Variants in RPTOR observed in about 807,000 individuals in gnomAD.
The protein encoded by RPTOR is regulatory-associated protein of mTOR.
RPTOR carries 21 observed loss-of-function variants against 169.9 expected under a neutral mutation model. The ratio of observed to expected loss-of-function variants is 0.12; its 90% CI spans 0.09 to 0.18. The LOEUF is 0.18. RPTOR is among the 10% of genes least tolerant of loss of function. RPTOR has a pLI of 1.00. For synonymous variants in RPTOR, 732 were observed against 753.2 expected, an observed-to-expected ratio of 0.97 and a Z score of 0.46; for missense variants, 1,133 against 1,855.9, an observed-to-expected ratio of 0.61 and a Z score of 7.16.
chr17:80,899,165 C>T (rs1418774693), intron 20 of RPTOR, among the ~76,000 whole-genome samples: 1 of 152,178 alleles, frequency 6.6e-6, no homozygotes, highest in Admixed American at 6.5e-5. Flanking sequence ...TAAAATATGC[C>T]AAGTGCCCAG....
At position 80,936,314 on chromosome 17, in the gene RPTOR, G is replaced by A. The variant is rs371498255; in HGVS notation, c.2920-4182G>A. Among the ~76,000 whole-genome samples the A allele has an allele frequency of 1.4e-4, 21 of 152,236 alleles. No individual in the cohort carries two copies. Among genetic ancestry groups the A allele is most frequent in the East Asian group, 1.3e-3 (7 of 5,192 alleles). On this transcript the variant is annotated intron_variant, in intron 24 of 33. Transcript: ENST00000306801. This position sits in a 1 kb window ranked among gnomAD's most constrained non-coding sequence, Gnocchi z 4.1. ...TTGTCAGTTTCTTACAAAGTTAAAC[G>A]TATGCCTACCATGCAACCTAACCAT...
At chr17:80,753,925 C>T in intron 5 of RPTOR, 85 bp from the exon 6 acceptor site, 1 of 1,243,366 alleles carries the variant, frequency 8.0e-7, no homozygotes, top group South Asian at 1.3e-5. Context: ...TTATTCTTTC[C>T]TTCTGTGTTA....
At chr17:80,834,389 G>GC (rs956959781) in intron 9 of RPTOR, among the ~76,000 whole-genome samples, 6 of 152,182 alleles carry the variant, frequency 3.9e-5, no homozygotes, top group African/African-American at 1.2e-4. Flanking sequence ...TAGCCGGACG[G>GC]CCCCGAGCAG....
At chr17:80,700,728 T>C (rs2066088735) in intron 3 of RPTOR, among the ~76,000 whole-genome samples, 1 of 84,058 alleles carries the variant, frequency 1.2e-5, no homozygotes, top group Non-Finnish European at 2.6e-5. Flanking sequence ...GTGGTGGTGG[T>C]GATGATGGTG....
At position 80,957,835 on chromosome 17, in the gene RPTOR, CCAGGGGTGGAGT is replaced by C; in HGVS notation, c.3477+111_3477+122del. 9.7e-7 allele frequency: 1 copy of C among 1,033,802 alleles called. No homozygotes were observed. Among genetic ancestry groups the C allele is most frequent in the Non-Finnish European group, 1.5e-6 (1 of 677,900 alleles). 64.0% of individuals were successfully genotyped at this position (1,033,802 alleles called of 1,614,324 possible). ...AAGTGTGCGGTGAGGCCTGGCCATCCCAGGGGTGGAGTCAGGGCCTGGGAGGACAGTGCCGGG... is the reference window on the plus strand; with the variant it reads ...AAGTGTGCGGTGAGGCCTGGCCATCCCAGGGCCTGGGAGGACAGTGCCGGG... On this transcript the variant is annotated intron_variant, in intron 29 of 33. Coordinates refer to ENST00000306801, the MANE Select transcript of RPTOR (RefSeq NM_020761.3). This position sits in a 1 kb window ranked among gnomAD's most constrained non-coding sequence, Gnocchi z 4.6.
intron 1 of RPTOR, among the ~76,000 whole-genome samples, chr17:80,564,409 G>C (rs1284011787): frequency 6.6e-6 from 1 of 152,014 alleles, no homozygotes; most frequent in Non-Finnish European, 1.5e-5. Flanking sequence ...GGAATTGCTG[G>C]GAGATAGAGA....
At chr17:80,827,607 C>T (rs2067458631) in intron 9 of RPTOR, among the ~76,000 whole-genome samples, 1 of 152,186 alleles carries the variant, frequency 6.6e-6, no homozygotes, top group South Asian at 2.1e-4. Context: ...GGAGGGGCCA[C>T]ACCTGGGACA....
chr17:80,579,566 G>C (rs1470669426), intron 1 of RPTOR, among the ~76,000 whole-genome samples: 1 of 152,182 alleles, frequency 6.6e-6, no homozygotes, highest in Non-Finnish European at 1.5e-5. Flanking sequence ...AGAAGCCCAC[G>C]TCACGATGGC....
intron 21 of RPTOR, among the ~76,000 whole-genome samples, chr17:80,918,186 G>A (rs2068696890): frequency 6.6e-6 from 1 of 152,228 alleles, no homozygotes; most frequent in African/African-American, 2.4e-5. Context: ...GACTAGCATA[G>A]CTACAGAATC....
intron 6 of RPTOR, among the ~76,000 whole-genome samples, chr17:80,755,990 G>A (rs985585473): frequency 6.6e-6 from 1 of 152,242 alleles, no homozygotes; most frequent in Admixed American, 6.5e-5. Flanking sequence ...TGTAAAACAA[G>A]TGTAATACAT....
At chr17:80,927,147 C>A (rs2068820210) in intron 24 of RPTOR, among the ~76,000 whole-genome samples, 1 of 152,248 alleles carries the variant, frequency 6.6e-6, no homozygotes. Context: ...CTGAGTGAGC[C>A]AGAGCTGGGA....
Position 80,634,638 on chromosome 17 carries a change from T to C in RPTOR, c.265+8845T>C, listed in dbSNP as rs1365044767. On this transcript the variant is annotated intron_variant, in intron 2 of 33. Transcript: ENST00000306801. The stretch of plus-strand genomic sequence containing the variant: ...ACTGTGTGCGTGTGCGTACTGTGTG[T>C]GTGCATACTGTATGTGCGTACTGTG... Among the ~76,000 whole-genome samples the C allele has an allele frequency of 2.1e-4, 26 of 121,614 alleles. 4 individuals are homozygous for C. The highest frequency in any genetic ancestry group is 6.3e-4 in the African/African-American group (20 of 31,958). 79.8% of individuals were successfully genotyped at this position (121,614 alleles called of 152,430 possible). A position where few individuals can be genotyped will look rare whatever the true frequency, so the allele number is the denominator to read the frequency against.
At position 80,629,148 on chromosome 17, in the gene RPTOR, G is replaced by A. The variant is rs79901149; in HGVS notation, c.265+3355G>A. Among the ~76,000 whole-genome samples, 350 of 150,142 alleles carry A rather than the reference G, an allele frequency of 2.3e-3. 1 individual carries two copies. The highest frequency in any genetic ancestry group is 8.4e-3 in the African/African-American group (340 of 40,552). Reference sequence around the variant, plus strand: ...GTATTGTGCTGTTGGACATTGTACCGCAGCTCTTCCGTGTGTCTCTGTCTT... The same window carrying A: ...GTATTGTGCTGTTGGACATTGTACCACAGCTCTTCCGTGTGTCTCTGTCTT... On this transcript the variant is annotated intron_variant, in intron 2 of 33. Coordinates refer to ENST00000306801, the MANE Select transcript of RPTOR (RefSeq NM_020761.3).
chr17:80,811,978 C>T (rs1466418285), intron 7 of RPTOR, among the ~76,000 whole-genome samples: 1 of 152,052 alleles, frequency 6.6e-6, no homozygotes, highest in East Asian at 1.9e-4. Context: ...GACACAGCCA[C>T]AGCCTCTTTA....
At chr17:80,577,410 G>A (rs2064973870) in intron 1 of RPTOR, among the ~76,000 whole-genome samples, 1 of 152,032 alleles carries the variant, frequency 6.6e-6, no homozygotes, top group Admixed American at 6.5e-5. Flanking sequence ...GAGGACAGCT[G>A]GGACCTACAG....
chr17:80,952,110 C>G (rs1470009620), intron 28 of RPTOR, among the ~76,000 whole-genome samples: 1 of 152,208 alleles, frequency 6.6e-6, no homozygotes, highest in Non-Finnish European at 1.5e-5. Flanking sequence ...AATTATTTGT[C>G]ATCGATTGGA....
At chr17:80,557,853 G>A (rs894455618) in intron 1 of RPTOR, among the ~76,000 whole-genome samples, 11 of 152,008 alleles carry the variant, frequency 7.2e-5, no homozygotes, top group African/African-American at 1.9e-4. Context: ...TTGAACCCAG[G>A]AGGCAGAGGT....
intron 7 of RPTOR, among the ~76,000 whole-genome samples, chr17:80,797,207 A>C (rs2067110018): frequency 6.6e-6 from 1 of 152,178 alleles, no homozygotes; most frequent in Non-Finnish European, 1.5e-5. Flanking sequence ...GTCTCAGCTC[A>C]CTGTAGCCTC....
intron 5 of RPTOR, among the ~76,000 whole-genome samples, chr17:80,743,845 T>TTACTAGCACAGCCCTGGC (rs2066519167): frequency 1.6e-5 from 1 of 63,696 alleles, no homozygotes; most frequent in African/African-American, 8.2e-5. Flanking sequence ...ACAGCCCTGG[T>TTACTAGCACAGCCCTGGC]TACTAGCAGA....
Sources: allele counts gnomAD v4.1 joint callset (sites outside exome capture counted in the v4.1 genomes callset), GRCh38; gene constraint gnomAD v4.1.1; non-coding constraint Gnocchi (gnomAD v3.1); transcripts MANE v1.5; gene names NCBI Gene and HGNC (gene_info 2026-07-23, HGNC 2026-07-21).